The following CHODL variants were observed in gnomAD, a reference collection of about 807,000 sequenced individuals.
CHODL encodes transmembrane protein MT75.
In CHODL, 29 loss-of-function variants were observed where a neutral mutation model predicts 34.5. That is an observed-to-expected ratio of 0.84 (90% CI 0.63 to 1.15). The LOEUF (loss-of-function observed/expected upper bound fraction) is 1.15, where lower values mean the gene tolerates loss of function less well. CHODL is among the 50% of genes most tolerant of loss of function. The probability of loss-of-function intolerance (pLI) is 0.00; values close to 1 mark genes in which losing one functional copy is unlikely to be tolerated. For synonymous variants in CHODL, 125 were observed against 116.1 expected (o/e 1.08, Z -0.49); for missense variants, 332 against 332.5 (o/e 1.00, Z 0.01).
At chr21:17,993,579 G>C (rs1273708447) in intron 1 of CHODL, among the ~76,000 whole-genome samples, 1 of 152,154 alleles carries the variant, frequency 6.6e-6, no homozygotes, top group East Asian at 1.9e-4. Context: ...AATATTCCAT[G>C]GCAAATATGT....
chr21:18,151,331 CAA>C (rs1171212456), intron 2 of CHODL, among the ~76,000 whole-genome samples: 2 of 152,008 alleles, frequency 1.3e-5, no homozygotes, highest in African/African-American at 4.8e-5. Context: ...GCCTATCCAG[CAA>C]AGTTTCCCTA....
At chr21:17,951,064 A>G (rs1273558936) in intron 1 of CHODL, among the ~76,000 whole-genome samples, 3 of 151,636 alleles carry the variant, frequency 2.0e-5, no homozygotes, top group South Asian at 2.1e-4. Flanking sequence ...ATAAGTGTAT[A>G]TATTCTTATA....
chr21:18,084,448 G>A (rs1170030865), intron 2 of CHODL, among the ~76,000 whole-genome samples: 1 of 152,046 alleles, frequency 6.6e-6, no homozygotes, highest in Non-Finnish European at 1.5e-5. Context: ...TATCCCACAG[G>A]TGTTGGTATA....
At chr21:18,002,827 A>G (rs2063919236) in intron 1 of CHODL, among the ~76,000 whole-genome samples, 1 of 152,196 alleles carries the variant, frequency 6.6e-6, no homozygotes, top group African/African-American at 2.4e-5. Context: ...ACCTGGGGAC[A>G]GAGTCCAAGA....
intron 2 of CHODL, among the ~76,000 whole-genome samples, chr21:18,114,509 A>G (rs2065389093): frequency 6.6e-6 from 1 of 152,094 alleles, no homozygotes; most frequent in Non-Finnish European, 1.5e-5. Flanking sequence ...CTGGAGTGCA[A>G]TGGTGCGATC....
intron 1 of CHODL, among the ~76,000 whole-genome samples, chr21:18,247,194 T>C (rs1337772443): frequency 1.3e-5 from 2 of 152,146 alleles, no homozygotes; most frequent in African/African-American, 4.8e-5. Flanking sequence ...ATGGATCTAT[T>C]GTCTACCTGG....
chr21:18,166,656 T>C (rs1017843201), intron 2 of CHODL, among the ~76,000 whole-genome samples: 2 of 152,094 alleles, frequency 1.3e-5, no homozygotes, highest in Admixed American at 6.5e-5. Context: ...ATCTTTGTCT[T>C]GTGAATTATT....
At chr21:18,083,489 C>T (rs534805032) in intron 2 of CHODL, among the ~76,000 whole-genome samples, 3 of 152,282 alleles carry the variant, frequency 2.0e-5, no homozygotes, top group East Asian at 3.9e-4. Flanking sequence ...GGTAGATCCA[C>T]CAACAGCTTG....
At position 18,127,672 on chromosome 21, in the gene CHODL, GTTTTTTTTTT is replaced by G. The variant is rs71318127; in HGVS notation, c.-45+99721_-45+99730del. Reference sequence around the variant, plus strand: ...TTACATAACCAGTTGCGTTGCCATTGTTTTTTTTTTTTTTTTTTTTTTTTTTTTTAGCTTA... The same window carrying G: ...TTACATAACCAGTTGCGTTGCCATTGTTTTTTTTTTTTTTTTTTTAGCTTA... On this transcript the variant is annotated intron_variant, in intron 2 of 6. Transcript: ENST00000400127. Among the ~76,000 whole-genome samples, 16 of 70,044 alleles carry G rather than the reference GTTTTTTTTTT, an allele frequency of 2.3e-4. 1 individual carries two copies. In the South Asian group the frequency reaches 3.7e-3, roughly 16 times the overall value. 46.0% of individuals were successfully genotyped at this position (70,044 alleles called of 152,430 possible). A position where few individuals can be genotyped will look rare whatever the true frequency, so the allele number is the denominator to read the frequency against.
At chr21:18,248,082 A>C (rs2074165778) in intron 1 of CHODL, among the ~76,000 whole-genome samples, 1 of 151,148 alleles carries the variant, frequency 6.6e-6, no homozygotes, top group Non-Finnish European at 1.5e-5. Flanking sequence ...GCAAAATGAC[A>C]TTAGGAATAT....
intron 1 of CHODL, among the ~76,000 whole-genome samples, chr21:18,249,366 A>G (rs571251400): frequency 4.0e-5 from 6 of 151,714 alleles, no homozygotes; most frequent in Admixed American, 6.6e-5. Context: ...AATGCATTCA[A>G]TTTGGATCTA....
At chr21:17,966,730 T>A (rs2063574634) in intron 1 of CHODL, among the ~76,000 whole-genome samples, 1 of 152,204 alleles carries the variant, frequency 6.6e-6, no homozygotes, top group African/African-American at 2.4e-5. Context: ...GGGCTTAAAG[T>A]AGGGTGATTC....
At chr21:18,193,013 G>A (rs901920479) in intron 2 of CHODL, among the ~76,000 whole-genome samples, 1 of 152,104 alleles carries the variant, frequency 6.6e-6, no homozygotes, top group African/African-American at 2.4e-5. Flanking sequence ...TTAGCATCTT[G>A]TATAGTAGCA....
At chr21:17,928,619 T>C (rs1401293442) in intron 1 of CHODL, among the ~76,000 whole-genome samples, 2 of 152,114 alleles carry the variant, frequency 1.3e-5, no homozygotes, top group African/African-American at 4.8e-5. Context: ...GTTTTTAGAA[T>C]TGAATCTAAA....
At chr21:18,179,306 T>G (rs2146673740) in intron 2 of CHODL, among the ~76,000 whole-genome samples, 1 of 152,286 alleles carries the variant, frequency 6.6e-6, no homozygotes, top group East Asian at 1.9e-4. Context: ...TCAGCCTCTG[T>G]TCGTCGATTC....
chr21:18,012,100 A>G (rs1356883930), intron 1 of CHODL, among the ~76,000 whole-genome samples: 1 of 152,256 alleles, frequency 6.6e-6, no homozygotes, highest in African/African-American at 2.4e-5. Context: ...CTGTTTTGAC[A>G]TGTGAAGACT....
intron 2 of CHODL, among the ~76,000 whole-genome samples, chr21:18,221,207 TG>T (rs1437231418): frequency 1.1e-4 from 16 of 152,172 alleles, no homozygotes; most frequent in Non-Finnish European, 1.0e-4. Flanking sequence ...AAATTTTGTT[TG>T]TTGAATTCTA....
intron 2 of CHODL, among the ~76,000 whole-genome samples, chr21:18,040,328 A>G (rs1412948293): frequency 6.6e-6 from 1 of 151,848 alleles, no homozygotes; most frequent in Non-Finnish European, 1.5e-5. Context: ...GAAGGAGACG[A>G]CATACAAAAT....
intron 1 of CHODL, among the ~76,000 whole-genome samples, chr21:18,023,785 C>T (rs909750187): frequency 3.3e-5 from 5 of 152,076 alleles, no homozygotes; most frequent in African/African-American, 7.2e-5. Flanking sequence ...TTTTACATTC[C>T]ACCTCTCTTT....
Sources: allele counts gnomAD v4.1 joint callset (sites outside exome capture counted in the v4.1 genomes callset), GRCh38; gene constraint gnomAD v4.1.1; transcripts MANE v1.5; gene names NCBI Gene and HGNC (gene_info 2026-07-23, HGNC 2026-07-21).